The following SH3BGRL2 variants were observed in gnomAD, a reference collection of about 807,000 sequenced individuals.
The protein encoded by SH3BGRL2 is SH3 domain-binding glutamic acid-rich-like protein 2.
Under a neutral mutation model 14.8 loss-of-function variants are expected in SH3BGRL2, and 21 were observed. The ratio of observed to expected loss-of-function variants is 1.42; its 90% CI spans 1.01 to 2.05. SH3BGRL2 has a LOEUF of 2.05. SH3BGRL2 is among the 30% of genes most tolerant of loss of function. The pLI, the probability that SH3BGRL2 is intolerant of heterozygous loss-of-function variation, is 0.00. For synonymous variants in SH3BGRL2, 50 were observed against 47.8 expected (o/e 1.05, Z -0.19); for missense variants, 147 against 130.8 (o/e 1.12, Z -0.61).
At chr6:79,555,593 C>G in the SH3BGRL2 span, among the ~76,000 whole-genome samples, 1 of 152,154 alleles carries the variant, frequency 6.6e-6, no homozygotes, top group East Asian at 1.9e-4. Context: ...TCACTGAAAC[C>G]TCCGCCTCCC....
intron 1 of SH3BGRL2, among the ~76,000 whole-genome samples, chr6:79,662,954 T>G (rs1299250507): frequency 6.6e-6 from 1 of 152,230 alleles, no homozygotes. Flanking sequence ...TTGAAGCTTA[T>G]GCATGTGCTA....
the SH3BGRL2 span, among the ~76,000 whole-genome samples, chr6:79,608,173 A>G: frequency 6.6e-6 from 1 of 152,210 alleles, no homozygotes. Context: ...GCAAGGGGGT[A>G]GTCAGCCCCC....
intron 2 of SH3BGRL2, among the ~76,000 whole-genome samples, chr6:79,684,882 A>T (rs1770061267): frequency 6.6e-6 from 1 of 152,140 alleles, no homozygotes. Flanking sequence ...TCTCCATCAG[A>T]TGTTTTCCTG....
rs981787468 is a variant in SH3BGRL2, at chr6:79,701,273, T to C, written c.*1764T>C. The C allele has an allele frequency of 3.9e-5, 6 of 152,110 alleles. No homozygotes were observed. Among genetic ancestry groups the C allele is most frequent in the African/African-American group, 1.4e-4 (6 of 41,392 alleles). The allele number at this position is 152,110 out of a possible 1,614,324, so 9.4% of individuals were successfully genotyped here. A position where few individuals can be genotyped will look rare whatever the true frequency, so the allele number is the denominator to read the frequency against. ...CCAGGAATTTTTTTTTAACTGGATATTGTGTTTGAGTATGTGAGTCTTCTG... is the reference window on the plus strand; with the variant it reads ...CCAGGAATTTTTTTTTAACTGGATACTGTGTTTGAGTATGTGAGTCTTCTG... On this transcript the variant is annotated 3_prime_UTR_variant, in exon 4 of 4. Transcript: ENST00000369838.
chr6:79,656,080 A>G (rs966447128), intron 1 of SH3BGRL2, among the ~76,000 whole-genome samples: 19 of 152,350 alleles, frequency 1.2e-4, no homozygotes, highest in African/African-American at 3.8e-4. Context: ...AAATCATCTA[A>G]TTTAGGTTTT....
In SH3BGRL2 at chr6:79,667,640, T is replaced by C. The variant is rs562825234; in HGVS notation, c.46-5974T>C. Among the ~76,000 whole-genome samples, 136 of 152,238 alleles carry C rather than the reference T, an allele frequency of 8.9e-4. 3 individuals carry two copies. The highest frequency in any genetic ancestry group is 3.2e-3 in the African/African-American group (132 of 41,542). On this transcript the variant is annotated intron_variant, in intron 1 of 3. Coordinates refer to ENST00000369838, the MANE Select transcript of SH3BGRL2 (RefSeq NM_031469.4). ...TTTTGTATTTTTAGTAGAGATGAGG[T>C]TTCACTATGTTGGCCAGGCTGGTCT...
At chr6:79,595,473 T>A in the SH3BGRL2 span, among the ~76,000 whole-genome samples, 1 of 152,154 alleles carries the variant, frequency 6.6e-6, no homozygotes, top group Non-Finnish European at 1.5e-5. Flanking sequence ...GCAAATGATA[T>A]TAATAGTATT....
the SH3BGRL2 span, among the ~76,000 whole-genome samples, chr6:79,602,925 G>C: frequency 1.3e-5 from 2 of 152,186 alleles, no homozygotes; most frequent in African/African-American, 4.8e-5. Context: ...TTCTGAGACA[G>C]AGTGGTTAGT....
At chr6:79,597,914 A>G in the SH3BGRL2 span, among the ~76,000 whole-genome samples, 3 of 152,230 alleles carry the variant, frequency 2.0e-5, no homozygotes, top group Non-Finnish European at 4.4e-5. Flanking sequence ...TTTGACAATA[A>G]AGAGACAACC....
Position 79,673,767 on chromosome 6 carries a change from C to T in SH3BGRL2, c.199C>T (p.Pro67Ser). The T allele has an allele frequency of 6.2e-7, 1 of 1,613,964 alleles. No individual in the cohort carries two copies. Among genetic ancestry groups the T allele is most frequent in the Non-Finnish European group, 8.5e-7 (1 of 1,179,972 alleles). The change falls in exon 2 of 4, where the codon CCT becomes TCT. Residue 67 changes from proline to serine, a missense_variant. By Grantham distance (74) the Pro-to-Ser change is moderately conservative. Transcript: ENST00000369838. ...ACCCACTCAGGGCAACCCCCTGCCA[C>T]CTCAGATATTTAATGGCGACCGATA... ...KKPTQGNPLPPQIFNGDRYCG... is the reference protein window; with the variant it reads ...KKPTQGNPLPSQIFNGDRYCG...
chr6:79,672,105 A>C (rs530442763), intron 1 of SH3BGRL2, among the ~76,000 whole-genome samples: 1 of 152,274 alleles, frequency 6.6e-6, no homozygotes, highest in South Asian at 2.1e-4. Flanking sequence ...CACATTGGGA[A>C]AACATGATTT....
chr6:79,671,627 GTGTATGTTA>G (rs1271095542), intron 1 of SH3BGRL2, among the ~76,000 whole-genome samples: 1 of 152,232 alleles, frequency 6.6e-6, no homozygotes, highest in African/African-American at 2.4e-5. Flanking sequence ...GGAAATGATT[GTGTATGTTA>G]TGGCTATTTG....
intron 1 of SH3BGRL2, among the ~76,000 whole-genome samples, chr6:79,658,747 A>G (rs2127728569): frequency 6.6e-6 from 1 of 152,334 alleles, no homozygotes; most frequent in African/African-American, 2.4e-5. Flanking sequence ...GAAATAATTT[A>G]CACTCCCACC....
chr6:79,648,323 CTTATATATA>C (rs1200013448), intron 1 of SH3BGRL2, among the ~76,000 whole-genome samples: 1 of 120,170 alleles, frequency 8.3e-6, no homozygotes, highest in Non-Finnish European at 1.7e-5. Context: ...AAATATTTGA[CTTATATATA>C]TTATATATAT....
At chr6:79,686,793 C>G (rs1198765919) in intron 2 of SH3BGRL2, among the ~76,000 whole-genome samples, 5 of 152,168 alleles carry the variant, frequency 3.3e-5, no homozygotes, top group African/African-American at 1.2e-4. Flanking sequence ...ACTCACAGAC[C>G]TGCTTTCCTT....
At chr6:79,603,362 A>C in the SH3BGRL2 span, among the ~76,000 whole-genome samples, 3 of 152,184 alleles carry the variant, frequency 2.0e-5, no homozygotes, top group African/African-American at 7.2e-5. Flanking sequence ...TATTGTTTTT[A>C]TTTGATTTAT....
chr6:79,672,475 C>G (rs185312661), intron 1 of SH3BGRL2, among the ~76,000 whole-genome samples: 1 of 151,938 alleles, frequency 6.6e-6, no homozygotes, highest in Non-Finnish European at 1.5e-5. Context: ...TCTTTTTAAC[C>G]TACTAATATG....
intron 2 of SH3BGRL2, among the ~76,000 whole-genome samples, chr6:79,691,826 G>A: frequency 6.6e-6 from 1 of 151,640 alleles, no homozygotes; most frequent in Non-Finnish European, 1.5e-5. Context: ...ACGTGTGCAT[G>A]TGTCTTTATA....
At chr6:79,563,408 C>T in the SH3BGRL2 span, among the ~76,000 whole-genome samples, 1 of 151,946 alleles carries the variant, frequency 6.6e-6, no homozygotes, top group African/African-American at 2.4e-5. Flanking sequence ...CACAGCGCCC[C>T]GCCTAGCTTG....
Sources: gnomAD v4.1 joint callset for allele counts (sites outside exome capture counted in the v4.1 genomes callset) on GRCh38, gnomAD v4.1.1 for gene constraint, MANE v1.5 for transcripts, NCBI Gene and HGNC (gene_info 2026-07-23, HGNC 2026-07-21) for gene names.